Variants in KANK3 observed in about 807,000 individuals in gnomAD.
The protein encoded by KANK3 is KN motif and ankyrin repeat domains 3, also known as KN motif and ankyrin repeat domain-containing protein 3.
A neutral mutation model predicts 65.4 loss-of-function variants in KANK3; 61 were observed. That is an observed-to-expected ratio of 0.93 (90% confidence interval 0.76 to 1.15). The LOEUF (loss-of-function observed/expected upper bound fraction) is 1.15. Ranked by LOEUF, KANK3 falls within the 50% of genes most tolerant of loss-of-function variation. The pLI is 0.00. For synonymous variants in KANK3, 586 were observed against 543.3 expected (o/e 1.08, Z -1.09); for missense variants, 1,187 against 1,178.8 (o/e 1.01, Z -0.10).
intron 7 of KANK3, among the ~76,000 whole-genome samples, chr19:8,329,214 C>T (rs997094293): frequency 1.3e-5 from 2 of 148,808 alleles, no homozygotes; most frequent in Admixed American, 6.7e-5. Context: ...CGGCTGGGTG[C>T]GGTTGCTCAC....
chr19:8,336,206 C>T (rs1304229400), intron 2 of KANK3, among the ~76,000 whole-genome samples: 1 of 152,182 alleles, frequency 6.6e-6, no homozygotes, highest in Non-Finnish European at 1.5e-5. Flanking sequence ...GAGGCCGGCA[C>T]AGGCGGATCA....
Position 8,337,861 on chromosome 19 carries a change from A to G in KANK3, c.-28-5T>C. On this transcript the variant is annotated splice_region_variant and splice_polypyrimidine_tract_variant and intron_variant, in intron 1 of 10. Transcript: ENST00000330915. ...GCAGCAGCTGTCAGAGGCACCCTGC[A>G]AAAGGGGTGAAGGTGGGGCTGGGCG... 1 of 1,613,098 alleles carries G rather than the reference A, an allele frequency of 6.2e-7. No homozygotes were observed. Among genetic ancestry groups the G allele is most frequent in the East Asian group, 2.2e-5 (1 of 44,882 alleles).
In KANK3 at chr19:8,335,907, C is replaced by G. The variant is rs114607757; in HGVS notation, c.35-115G>C. On this transcript the variant is annotated intron_variant, in intron 2 of 10. Transcript: ENST00000330915. ...CCCACGCTTCACACCTATCTGTACC[C>G]AAGTATTAACTCAATCGCTTGTTTA... is the stretch of plus-strand genomic sequence containing the variant. 2.6e-3 allele frequency: 1,818 copies of G among 687,850 alleles called. 28 individuals carry two copies. The African/African-American group carries it at 0.029, about 11-fold the overall frequency. The allele number at this position is 687,850 out of a possible 1,614,324, so 42.6% of individuals were successfully genotyped here.
intron 2 of KANK3, among the ~76,000 whole-genome samples, chr19:8,336,936 G>A (rs1282517903): frequency 6.6e-6 from 1 of 152,050 alleles, no homozygotes; most frequent in African/African-American, 2.4e-5. Context: ...AGGAATGGAC[G>A]CACAAGGGCC....
At chr19:8,328,427 ACACACACT>A in intron 7 of KANK3, among the ~76,000 whole-genome samples, 1 of 136,684 alleles carries the variant, frequency 7.3e-6, no homozygotes, top group African/African-American at 2.7e-5. Flanking sequence ...ACACACACAC[ACACACACT>A]CAAAACTACA....
chr19:8,340,289 T>TACAC, intron 1 of KANK3, among the ~76,000 whole-genome samples: 1 of 61,514 alleles, frequency 1.6e-5, no homozygotes, highest in South Asian at 4.2e-4. Flanking sequence ...TATATATATA[T>TACAC]ATACACACAC....
rs1356665149 is a variant in KANK3, at chr19:8,328,981, A to C, written c.1937-3885T>G. On this transcript the variant is annotated intron_variant, in intron 7 of 10. Coordinates refer to ENST00000330915, the MANE Select transcript of KANK3 (RefSeq NM_198471.3). ...TCAGGAGATCGAGACCATCCTGGCT[A>C]ACACGGTGAAACCCCATCTCTACTA... 2.0e-5 allele frequency among the ~76,000 whole-genome samples: 3 copies of C among 151,066 alleles called. No individual in the cohort carries two copies. In the Admixed American group the frequency reaches 2.0e-4, roughly 10 times the overall value.
chr19:8,323,003 G>C, intron 10 of KANK3, 81 bp from the exon 11 acceptor site: 3 of 797,350 alleles, frequency 3.8e-6, no homozygotes, highest in Non-Finnish European at 5.7e-6. Flanking sequence ...GCCTCACTTA[G>C]TGGAGGTTCT....
In KANK3 at chr19:8,324,453, G is replaced by C; in HGVS notation, c.2378C>G (p.Thr793Ser). The C allele has an allele frequency of 6.3e-7, 1 of 1,599,962 alleles. No individual in the cohort carries two copies. The highest frequency in any genetic ancestry group is 8.5e-7 in the Non-Finnish European group (1 of 1,173,288). ...TTCTTCCAGAGCTGTGCTCACCTGG[G>C]TGTCGGGCTGGCCCGAGCTCAGGTG... is the stretch of plus-strand genomic sequence containing the variant. ...HAHLSSGQPD[T>S]QSESPPGSQT... is the part of the protein sequence containing the mutation. The change falls in exon 10 of 11, where the codon ACC (threonine) becomes AGC (serine). Residue 793 changes from threonine to serine, a missense_variant. Coordinates refer to ENST00000330915, the MANE Select transcript of KANK3 (RefSeq NM_198471.3).
chr19:8,338,490 CTG>C (rs1970678997), intron 1 of KANK3, among the ~76,000 whole-genome samples: 2 of 152,092 alleles, frequency 1.3e-5, no homozygotes, highest in Admixed American at 6.6e-5. Context: ...CTGATAATCT[CTG>C]GGGAAAATCA....
rs1472181365 is a variant in KANK3 at position 8,340,291 on chromosome 19, T to TATATATATATATATATATATATATAC, written c.-28-2436_-28-2435insGTATATATATATATATATATATATAT. 3.8e-4 allele frequency among the ~76,000 whole-genome samples: 35 copies of TATATATATATATATATATATATATAC among 92,804 alleles called. 1 individual carries two copies. The highest frequency in any genetic ancestry group is 2.0e-3 in the East Asian group (5 of 2,546). The allele number at this position is 92,804 out of a possible 152,430, so 60.9% of individuals were successfully genotyped here. On this transcript the variant is annotated intron_variant, in intron 1 of 10. Coordinates refer to ENST00000330915, the MANE Select transcript of KANK3 (RefSeq NM_198471.3). ...AAAAAAAACCATATATATATATATATACACACACACACACACACACACACA... is the reference window on the plus strand; with the variant it reads ...AAAAAAAACCATATATATATATATATATATATATATATATATATATATATACACACACACACACACACACACACACA...
chr19:8,329,487 G>A (rs1324830082), intron 7 of KANK3, among the ~76,000 whole-genome samples: 10 of 77,632 alleles, frequency 1.3e-4, no homozygotes, highest in African/African-American at 4.7e-4. Context: ...AGCAAGACTC[G>A]GCCTCAAAAA....
At chr19:8,337,494 C>T (rs1221175388) in intron 2 of KANK3, among the ~76,000 whole-genome samples, 1 of 152,066 alleles carries the variant, frequency 6.6e-6, no homozygotes, top group Non-Finnish European at 1.5e-5. Flanking sequence ...AGTCACCACA[C>T]CGAGCCGTGC....
intron 7 of KANK3, among the ~76,000 whole-genome samples, chr19:8,329,867 C>T (rs529388898): frequency 3.2e-4 from 49 of 152,296 alleles, no homozygotes; most frequent in Admixed American, 2.1e-3. Context: ...AGTATTCTAC[C>T]TTACCAGACT....
In KANK3 at chr19:8,325,042, G is replaced by A. The variant is rs543387855; in HGVS notation, c.1991C>T (p.Ala664Val). Residue 664 changes from alanine to valine, a missense_variant, in exon 8 of 11, where the codon GCT becomes GTT. Ala to Val is a moderately conservative substitution (Grantham distance 64). Transcript: ENST00000330915. ...TTCCTGCCTCACAGAGGTGAGTGCA[G>A]CCAGCATGAGGGCCGAGTAGCCGGC... ...NRAGYSALML[A>V]ALTSVRQEEE... The A allele has an allele frequency of 3.1e-6, 5 of 1,613,946 alleles. No individual in the cohort carries two copies. In the South Asian group the frequency reaches 4.4e-5, roughly 14 times the overall value.
chr19:8,323,368 A>G (rs754288494), intron 10 of KANK3: 9 of 155,094 alleles, frequency 5.8e-5, no homozygotes, highest in Non-Finnish European at 2.9e-5. Flanking sequence ...GTTTTTACTA[A>G]GCACACATTG....
chr19:8,330,474 A>C (rs1970503819), intron 7 of KANK3, among the ~76,000 whole-genome samples: 1 of 152,294 alleles, frequency 6.6e-6, no homozygotes, highest in East Asian at 1.9e-4. Flanking sequence ...CACACCTGTA[A>C]TCCCAGCACT....
At chr19:8,324,378 G>A in intron 10 of KANK3, 71 bp downstream of exon 10, 1 of 1,369,580 alleles carries the variant, frequency 7.3e-7, no homozygotes, top group Non-Finnish European at 1.0e-6. Context: ...GGAGGCTCAG[G>A]GCATATTTAC....
At chr19:8,341,211 T>G (rs1480097561) in intron 1 of KANK3, among the ~76,000 whole-genome samples, 2 of 151,262 alleles carry the variant, frequency 1.3e-5, no homozygotes, top group African/African-American at 4.9e-5. Context: ...CTAAGGAATT[T>G]ATGGATATTT....
Sources: gnomAD v4.1 joint callset for allele counts (sites outside exome capture counted in the v4.1 genomes callset) on GRCh38, gnomAD v4.1.1 for gene constraint, MANE v1.5 for transcripts, NCBI Gene and HGNC (gene_info 2026-07-23, HGNC 2026-07-21) for gene names.